The following DPP6 variants were observed in gnomAD, a reference collection of about 807,000 sequenced individuals.
DPP6 encodes the protein dipeptidyl peptidase like 6, also known as A-type potassium channel modulatory protein DPP6.
DPP6 carries 69 observed loss-of-function variants against 122.6 expected under a neutral mutation model. The observed-to-expected ratio is 0.56, with a 90% CI of 0.46 to 0.69. The LOEUF is 0.69. Among genes scored for constraint, DPP6 ranks in the 30% least tolerant of loss-of-function variants. The pLI is 0.00. For missense variants in DPP6, 928 were observed against 1,116.9 expected (o/e 0.83, Z 2.41); for synonymous variants, 418 against 433.1 (o/e 0.97, Z 0.43).
intron 1 of DPP6, among the ~76,000 whole-genome samples, chr7:154,416,041 T>C (rs1429005289): frequency 6.6e-6 from 1 of 151,942 alleles, no homozygotes; most frequent in Non-Finnish European, 1.5e-5. Context: ...TCAACTGAGA[T>C]CCAAAAGTAT....
At chr7:153,960,627 CTGTCTGTG>C (rs1175505735) in intron 1 of DPP6, among the ~76,000 whole-genome samples, 2 of 66,940 alleles carry the variant, frequency 3.0e-5, no homozygotes, top group African/African-American at 1.1e-4. Flanking sequence ...GCTTAGCAGC[CTGTCTGTG>C]TGTGCACGTG....
At chr7:154,393,323 A>C (rs1185333238) in intron 1 of DPP6, among the ~76,000 whole-genome samples, 1 of 152,298 alleles carries the variant, frequency 6.6e-6, no homozygotes, top group Middle Eastern at 3.4e-3. Context: ...AAACTATTAG[A>C]ATTTGTATAG....
At chr7:154,814,681 C>T (rs370838063) in intron 16 of DPP6, among the ~76,000 whole-genome samples, 7 of 152,162 alleles carry the variant, frequency 4.6e-5, no homozygotes, top group Non-Finnish European at 7.3e-5. Context: ...TTCTGGAGGC[C>T]GGAAATCCAA....
At chr7:154,135,636 A>G (rs1423345551) in intron 1 of DPP6, among the ~76,000 whole-genome samples, 1 of 150,992 alleles carries the variant, frequency 6.6e-6, no homozygotes, top group Admixed American at 6.6e-5. Context: ...CTGTGAGTAT[A>G]CACTTCCCAT....
the DPP6 span, among the ~76,000 whole-genome samples, chr7:153,818,857 T>C: frequency 1.3e-5 from 2 of 151,866 alleles, no homozygotes; most frequent in African/African-American, 4.8e-5. Flanking sequence ...GTGCAAGCGA[T>C]TCTCCTGCCT....
chr7:154,702,028 A>G (rs773890197), intron 7 of DPP6, among the ~76,000 whole-genome samples: 5 of 152,274 alleles, frequency 3.3e-5, no homozygotes, highest in Non-Finnish European at 5.9e-5. Flanking sequence ...TCTCTGTCAC[A>G]TTTTGGCAAT....
intron 1 of DPP6, among the ~76,000 whole-genome samples, chr7:154,402,805 G>A (rs2151189729): frequency 6.6e-6 from 1 of 151,436 alleles, no homozygotes; most frequent in East Asian, 1.9e-4. Flanking sequence ...TAAAACTCTG[G>A]GATCCAAAAG....
At chr7:154,238,220 G>T (rs191263376) in intron 1 of DPP6, among the ~76,000 whole-genome samples, 1 of 152,240 alleles carries the variant, frequency 6.6e-6, no homozygotes, top group African/African-American at 2.4e-5. Flanking sequence ...ATTTTCATTT[G>T]CTCTGTTATC....
chr7:153,983,021 GGT>G (rs1796670587), intron 1 of DPP6, among the ~76,000 whole-genome samples: 1 of 152,204 alleles, frequency 6.6e-6, no homozygotes, highest in Admixed American at 6.5e-5. Context: ...GAGGTACGGG[GGT>G]GAGGGACCCA....
intron 10 of DPP6, among the ~76,000 whole-genome samples, chr7:154,779,292 CTACTAT>C (rs144142398): frequency 1.2e-5 from 1 of 82,962 alleles, no homozygotes; most frequent in Non-Finnish European, 3.2e-5. Context: ...ACCACCCCCA[CTACTAT>C]CACCACCACC....
chr7:154,436,935 A>G (rs1036709724), intron 1 of DPP6, among the ~76,000 whole-genome samples: 1 of 152,180 alleles, frequency 6.6e-6, no homozygotes, highest in Non-Finnish European at 1.5e-5. Context: ...TGTCTGATCT[A>G]TGTCACTTAA....
chr7:154,371,444 T>A (rs540161198), intron 1 of DPP6, among the ~76,000 whole-genome samples: 6 of 118,560 alleles, frequency 5.1e-5, no homozygotes, highest in Admixed American at 4.0e-4. Context: ...AACAAAAAAA[T>A]GTTGCAGTGA....
intron 1 of DPP6, among the ~76,000 whole-genome samples, chr7:154,382,392 G>A (rs1053632362): frequency 5.3e-5 from 8 of 152,100 alleles, no homozygotes; most frequent in Admixed American, 6.5e-5. Flanking sequence ...GATTGCTGAC[G>A]GATGGTGTGC....
chr7:154,532,416 T>C (rs530682280), intron 3 of DPP6, among the ~76,000 whole-genome samples: 1 of 152,138 alleles, frequency 6.6e-6, no homozygotes, highest in South Asian at 2.1e-4. Flanking sequence ...AGACCTAGGC[T>C]TTCATCTTAA....
the DPP6 span, among the ~76,000 whole-genome samples, chr7:153,757,802 C>A: frequency 1.3e-5 from 2 of 151,988 alleles, no homozygotes; most frequent in Non-Finnish European, 2.9e-5. Context: ...TACTAAAATA[C>A]AAAAATTAGC....
At chr7:154,317,122 GACA>G (rs1425699836) in intron 1 of DPP6, among the ~76,000 whole-genome samples, 1 of 152,326 alleles carries the variant, frequency 6.6e-6, no homozygotes, top group East Asian at 1.9e-4. Flanking sequence ...TTGCTAAATA[GACA>G]CAGATTTACT....
chr7:154,386,493 T>G (rs2151155354), intron 1 of DPP6, among the ~76,000 whole-genome samples: 1 of 152,162 alleles, frequency 6.6e-6, no homozygotes, highest in South Asian at 2.1e-4. Flanking sequence ...AGGAAGAGGC[T>G]TAGGGTGGTG....
chr7:153,826,501 C>T, the DPP6 span, among the ~76,000 whole-genome samples: 3 of 152,152 alleles, frequency 2.0e-5, no homozygotes, highest in Admixed American at 1.3e-4. Flanking sequence ...TGGTCTGCGA[C>T]ATTTTTAAAG....
At chr7:154,885,442 G>C (rs1383267910) in intron 21 of DPP6, 191 bp from the exon 22 acceptor site, 8 of 715,472 alleles carry the variant, frequency 1.1e-5, no homozygotes, top group Non-Finnish European at 1.8e-5. Context: ...GTCGCATAAT[G>C]CTGAGTTGGA....
Sources: gnomAD v4.1 joint callset for allele counts (sites outside exome capture counted in the v4.1 genomes callset) on GRCh38, gnomAD v4.1.1 for gene constraint, MANE v1.5 for transcripts, NCBI Gene and HGNC (gene_info 2026-07-23, HGNC 2026-07-21) for gene names.